PHLDB1: variants seen among roughly 807,000 people sequenced by gnomAD.
The protein encoded by PHLDB1 is pleckstrin homology-like domain family B member 1.
Under a neutral mutation model 139.3 loss-of-function variants are expected in PHLDB1, and 65 were observed. The ratio of observed to expected loss-of-function variants is 0.47; its 90% confidence interval spans 0.38 to 0.57. The LOEUF (loss-of-function observed/expected upper bound fraction) is 0.57, where lower values mean the gene tolerates loss of function less well. Among genes scored for constraint, PHLDB1 ranks in the 20% least tolerant of loss-of-function variants. The probability of loss-of-function intolerance (pLI) is 0.00; values close to 1 mark genes in which losing one functional copy is unlikely to be tolerated. For missense variants in PHLDB1, 1,624 were observed against 1,839.7 expected (o/e 0.88, Z 2.14); for synonymous variants, 679 against 734.5 (o/e 0.92, Z 1.22).
rs1027240263 is a variant in PHLDB1 at position 118,611,058 on chromosome 11, G to A, written c.-21-2758G>A. On this transcript the variant is annotated intron_variant, in intron 1 of 22. Transcript: ENST00000600882. This position sits in a 1 kb window ranked among gnomAD's most constrained non-coding sequence, Gnocchi z 4.7. ...ACAGCCGGGTTGCTGGGGAGCCGCG[G>A]GCCAGATGGAAGCGGGGCCGCAGGT... 1.3e-5 allele frequency among the ~76,000 whole-genome samples: 2 copies of A among 152,200 alleles called. No homozygotes were observed. Among genetic ancestry groups the A allele is most frequent in the Admixed American group, 1.3e-4 (2 of 15,280 alleles).
At position 118,627,704 on chromosome 11, in the gene PHLDB1, T is replaced by C. The variant is rs782378929; in HGVS notation, c.881T>C (p.Leu294Pro). The change falls in exon 6 of 23, where the codon CTG becomes CCG. Residue 294 changes from leucine (L) to proline (P), a missense_variant. Physicochemically the swap from Leu to Pro is moderately conservative, Grantham distance 98. Transcript: ENST00000600882. ...CCTGCCCGTTCCTCCAGCTACCATCTGGCCCTACAGCCCCCACAGTCCCGC... is the reference window on the plus strand; with the variant it reads ...CCTGCCCGTTCCTCCAGCTACCATCCGGCCCTACAGCCCCCACAGTCCCGC... ...LVPARSSSYH[L>P]ALQPPQSRPS... 1 of 1,610,482 alleles carries C rather than the reference T, an allele frequency of 6.2e-7. No homozygotes were observed.
intron 12 of PHLDB1, chr11:118,639,574 C>T (rs1565467932): frequency 1.8e-5 from 8 of 442,100 alleles, no homozygotes; most frequent in Non-Finnish European, 2.9e-5. Context: ...TGGATGGACT[C>T]ACCTTGAAGG....
intron 12 of PHLDB1, chr11:118,639,834 G>C: frequency 1.1e-5 from 11 of 982,286 alleles, no homozygotes; most frequent in Non-Finnish European, 1.3e-5. Context: ...GAGGGATGCA[G>C]CCCCTCACCA....
intron 10 of PHLDB1, among the ~76,000 whole-genome samples, chr11:118,636,321 T>C (rs541174434): frequency 9.2e-5 from 14 of 151,802 alleles, no homozygotes; most frequent in Non-Finnish European, 1.8e-4. Flanking sequence ...GGTGGTGAGA[T>C]TGGGGAGGGG....
At chr11:118,649,554 C>T (rs1426376859) in intron 18 of PHLDB1, among the ~76,000 whole-genome samples, 1 of 151,924 alleles carries the variant, frequency 6.6e-6, no homozygotes. Flanking sequence ...TCTTCTGGGA[C>T]AGGAAGAGTA....
chr11:118,627,012 G>A (rs1555102068), intron 5 of PHLDB1: 4 of 431,364 alleles, frequency 9.3e-6, no homozygotes, highest in South Asian at 5.3e-5. Context: ...TAGTCTTGGG[G>A]TGAATTGACA....
chr11:118,631,735 T>C (rs1944837045), intron 7 of PHLDB1, among the ~76,000 whole-genome samples, 178 bp from the exon 8 acceptor site: 1 of 151,980 alleles, frequency 6.6e-6, no homozygotes, highest in Admixed American at 6.6e-5. Context: ...AATATTCTCT[T>C]CCGCAGAGCC....
rs1380199641 is a variant in PHLDB1 at position 118,639,257 on chromosome 11, A to G, written c.2736+6A>G. 1.9e-6 allele frequency: 3 copies of G among 1,609,544 alleles called. No individual in the cohort carries two copies. Among genetic ancestry groups the G allele is most frequent in the South Asian group, 1.1e-5 (1 of 90,994 alleles). Reference sequence around the variant, plus strand: ...CCACATCGACCCTCAAAGAGGTATCATGATTGGATTAGCCCCAGCTTCAGG... The same window carrying G: ...CCACATCGACCCTCAAAGAGGTATCGTGATTGGATTAGCCCCAGCTTCAGG... On this transcript the variant is annotated splice_donor_region_variant and intron_variant, in intron 12 of 22. Coordinates refer to ENST00000600882, the MANE Select transcript of PHLDB1 (RefSeq NM_001144758.3).
chr11:118,642,952 A>G (rs996565874), intron 13 of PHLDB1, among the ~76,000 whole-genome samples: 1 of 152,200 alleles, frequency 6.6e-6, no homozygotes, highest in South Asian at 2.1e-4. Context: ...GCAACTGACC[A>G]TGGGGTGGGA....
Position 118,627,355 on chromosome 11 carries a change from C to T in PHLDB1, c.532C>T (p.Arg178Trp), listed in dbSNP as rs145152438. Residue 178 changes from arginine to tryptophan, a missense_variant, in exon 6 of 23, where the codon CGG (arginine) becomes TGG (tryptophan). Transcript: ENST00000600882. ...GAACCACACCCCACAGACTGCAACACGGGGACCCTCTGCCTGTGCCAGCCA... is the reference window on the plus strand; with the variant it reads ...GAACCACACCCCACAGACTGCAACATGGGGACCCTCTGCCTGTGCCAGCCA... ...NGNHTPQTAT[R>W]GPSACASHSS... The T allele has an allele frequency of 1.9e-5, 30 of 1,614,004 alleles. No individual in the cohort carries two copies. The highest frequency in any genetic ancestry group is 6.7e-5 in the East Asian group (3 of 44,902).
chr11:118,654,044 A>C (rs1948692630), intron 20 of PHLDB1: 1 of 152,274 alleles, frequency 6.6e-6, no homozygotes, highest in Non-Finnish European at 1.5e-5. Flanking sequence ...TGTTGGCAGC[A>C]GTCCGTAAGT....
At chr11:118,629,979 AG>A in intron 6 of PHLDB1, 1 of 1,275,688 alleles carries the variant, frequency 7.8e-7, no homozygotes, top group Non-Finnish European at 1.0e-6. Context: ...GTCCTGGGGC[AG>A]GGGTGGAGGC....
rs1947377492 is a variant in PHLDB1, at chr11:118,645,728, T to C, written c.3417-7T>C. 4 of 1,612,732 alleles carry C rather than the reference T, an allele frequency of 2.5e-6. No homozygotes were observed. The highest frequency in any genetic ancestry group is 2.5e-6 in the Non-Finnish European group (3 of 1,178,934). The stretch of plus-strand genomic sequence containing the variant: ...TGATGCACTTCCTCTTCCCCTTCTC[T>C]CCCCAGCGCGAGTGGTCTGGACATG... On this transcript the variant is annotated splice_region_variant and splice_polypyrimidine_tract_variant and intron_variant, in intron 16 of 22. Transcript: ENST00000600882. The surrounding 1 kb of genome is among the most constrained non-coding windows in gnomAD (Gnocchi z 5.1).
At position 118,655,667 on chromosome 11, in the gene PHLDB1, G is replaced by A. The variant is rs368385133; in HGVS notation, c.3937G>A (p.Asp1313Asn). The stretch of plus-strand genomic sequence containing the variant: ...CCAGGCCATTGAGGAAGTGTACTAC[G>A]ACCACCTGCGCAGTGCAGCCAAGGT... ...YFQAIEEVYY[D>N]HLRSAAKKRF... The change falls in exon 21 of 23, where the codon GAC becomes AAC. Residue 1313 changes from aspartate (D) to asparagine (N), a missense_variant. Transcript: ENST00000600882. 3.7e-6 allele frequency: 6 copies of A among 1,612,806 alleles called. No individual in the cohort carries two copies. The highest frequency in any genetic ancestry group is 1.3e-5 in the African/African-American group (1 of 74,944).
chr11:118,613,769 C>A, intron 1 of PHLDB1, 47 bp from the exon 2 acceptor site: 1 of 1,201,664 alleles, frequency 8.3e-7, no homozygotes, highest in Non-Finnish European at 1.2e-6. Flanking sequence ...TTCTTTCCCT[C>A]TCCTGCCCTG....
At position 118,644,068 on chromosome 11, in the gene PHLDB1, G is replaced by T; in HGVS notation, c.3019-4G>T. ...CCAGGTCCGAACTCTCCATTCCTCTGCAGAGCGCTCTACTCACCCAGAATG... is the reference window on the plus strand; with the variant it reads ...CCAGGTCCGAACTCTCCATTCCTCTTCAGAGCGCTCTACTCACCCAGAATG... On this transcript the variant is annotated splice_polypyrimidine_tract_variant and splice_region_variant and intron_variant, in intron 14 of 22. Coordinates refer to ENST00000600882, the MANE Select transcript of PHLDB1 (RefSeq NM_001144758.3). 6.2e-7 allele frequency: 1 copy of T among 1,613,492 alleles called. No homozygotes were observed. Among genetic ancestry groups the T allele is most frequent in the East Asian group, 2.2e-5 (1 of 44,866 alleles).
chr11:118,655,694 A>AGG lies in PHLDB1; in HGVS notation c.3960+7_3960+8dup. ...CCACCTGCGCAGTGCAGCCAAGGTC[A>AGG]GGGGTGGAGGGCACCAGAGGGGGGC... is the stretch of plus-strand genomic sequence containing the variant. On this transcript the variant is annotated splice_donor_region_variant and intron_variant, in intron 21 of 22. Transcript: ENST00000600882. The AGG allele has an allele frequency of 6.2e-7, 1 of 1,606,572 alleles. No individual in the cohort carries two copies. The highest frequency in any genetic ancestry group is 8.5e-7 in the Non-Finnish European group (1 of 1,173,182).
chr11:118,613,614 T>A (rs1397218018), intron 1 of PHLDB1: 1 of 604,020 alleles, frequency 1.7e-6, no homozygotes, highest in Non-Finnish European at 2.7e-6. Context: ...GTATCCATGC[T>A]GTGGCTGGCT....
At chr11:118,646,569 A>T (rs1555129149) in intron 17 of PHLDB1, 1 of 152,256 alleles carries the variant, frequency 6.6e-6, no homozygotes, top group African/African-American at 2.4e-5. Flanking sequence ...AAGTCAGTGT[A>T]GAGGTGTTGG....
Sources: allele counts gnomAD v4.1 joint callset (sites outside exome capture counted in the v4.1 genomes callset), GRCh38; gene constraint gnomAD v4.1.1; non-coding constraint Gnocchi (gnomAD v3.1); transcripts MANE v1.5; gene names NCBI Gene and HGNC (gene_info 2026-07-23, HGNC 2026-07-21).